Variants in SMAD3 observed in about 807,000 individuals in gnomAD.
SMAD3 encodes MAD homolog 3.
Under a neutral mutation model 51.8 loss-of-function variants are expected in SMAD3, and 12 were observed. The observed-to-expected ratio is 0.23, with a 90% CI of 0.15 to 0.38. SMAD3 has a LOEUF of 0.38. Among genes scored for constraint, SMAD3 ranks in the 10% least tolerant of loss-of-function variants. The pLI, the probability that SMAD3 is intolerant of heterozygous loss-of-function variation, is 1.00. For missense variants in SMAD3, 294 were observed against 565.6 expected (o/e 0.52, Z 4.87); for synonymous variants, 238 against 227.7 (o/e 1.05, Z -0.41).
At chr15:67,094,641 C>T (rs943584121) in intron 1 of SMAD3, among the ~76,000 whole-genome samples, 13 of 152,204 alleles carry the variant, frequency 8.5e-5, no homozygotes, top group African/African-American at 2.9e-4. Context: ...AGCTGAAGAT[C>T]ATAATTATGT....
chr15:67,185,813 T>C (rs1204281669), intron 7 of SMAD3, among the ~76,000 whole-genome samples: 1 of 152,224 alleles, frequency 6.6e-6, no homozygotes, highest in Non-Finnish European at 1.5e-5. Context: ...GCAGCCACTG[T>C]GTAGGCAGCC....
In SMAD3 at chr15:67,067,862, T is replaced by C. The variant is rs76998346; in HGVS notation, c.206+1502T>C. The stretch of plus-strand genomic sequence containing the variant: ...GAGACCTGGGATTTGGTTCCAGCTC[T>C]GGTTGTTAATTCTTCTGTATTCCTT... On this transcript the variant is annotated intron_variant, in intron 1 of 8. Coordinates refer to ENST00000327367, the MANE Select transcript of SMAD3 (RefSeq NM_005902.4). Among the ~76,000 whole-genome samples the C allele has an allele frequency of 6.9e-3, 1,055 of 152,268 alleles. 7 individuals carry two copies. Among genetic ancestry groups the C allele is most frequent in the African/African-American group, 0.024 (992 of 41,538 alleles).
chr15:67,096,767 A>C (rs939058915), intron 1 of SMAD3, among the ~76,000 whole-genome samples: 2 of 152,118 alleles, frequency 1.3e-5, no homozygotes, highest in Non-Finnish European at 2.9e-5. Flanking sequence ...TTGCACGTGC[A>C]GCCTCTAGAT....
intron 1 of SMAD3, among the ~76,000 whole-genome samples, chr15:67,088,357 G>C (rs375123957): frequency 9.8e-5 from 15 of 152,348 alleles, no homozygotes; most frequent in African/African-American, 3.6e-4. Flanking sequence ...GCCTAGGGAA[G>C]CCCACTATAG....
At chr15:67,156,373 C>T (rs538160659) in intron 1 of SMAD3, among the ~76,000 whole-genome samples, 1 of 152,318 alleles carries the variant, frequency 6.6e-6, no homozygotes, top group South Asian at 2.1e-4. Flanking sequence ...CAAATTGACT[C>T]TAAGGCCTCT....
At chr15:67,078,983 A>AT (rs57308445) in intron 1 of SMAD3, among the ~76,000 whole-genome samples, 23,429 of 147,148 alleles carry the variant, frequency 0.16, 3,450 homozygotes, top group African/African-American at 0.39. Context: ...ACATATTATT[A>AT]TTTTTTTTTT....
intron 1 of SMAD3, among the ~76,000 whole-genome samples, chr15:67,124,715 C>G (rs543300577): frequency 4.6e-5 from 7 of 152,166 alleles, no homozygotes; most frequent in Non-Finnish European, 7.3e-5. Flanking sequence ...AAAGGTACAC[C>G]TCTACCTGTG....
intron 1 of SMAD3, among the ~76,000 whole-genome samples, chr15:67,132,958 C>T (rs1961561410): frequency 6.6e-6 from 1 of 152,182 alleles, no homozygotes; most frequent in South Asian, 2.1e-4. Flanking sequence ...GACATTCTGC[C>T]CTGTTCACTT....
At chr15:67,181,197 G>A in intron 5 of SMAD3, 44 bp from the exon 6 acceptor site, 1 of 1,487,284 alleles carries the variant, frequency 6.7e-7, no homozygotes, top group Non-Finnish European at 9.4e-7. Context: ...GGAGCATGGG[G>A]CTTGGGACAC....
intron 3 of SMAD3, chr15:67,166,558 G>A (rs1299850630): frequency 1.1e-5 from 7 of 622,270 alleles, no homozygotes; most frequent in African/African-American, 7.3e-5. Flanking sequence ...GAGTTGATCC[G>A]GTCCTGCGTG....
chr15:67,072,273 A>G (rs759192635), intron 1 of SMAD3, among the ~76,000 whole-genome samples: 2 of 152,234 alleles, frequency 1.3e-5, no homozygotes, highest in Admixed American at 6.5e-5. Context: ...TTTTAATGCC[A>G]TTTGATGCAC....
chr15:67,129,183 A>G (rs113309705), intron 1 of SMAD3, among the ~76,000 whole-genome samples: 1 of 152,348 alleles, frequency 6.6e-6, no homozygotes, highest in Non-Finnish European at 1.5e-5. Flanking sequence ...TATGGGAAAC[A>G]TAAAGCAGGA....
At chr15:67,143,830 A>G (rs1961900023) in intron 1 of SMAD3, among the ~76,000 whole-genome samples, 2 of 151,532 alleles carry the variant, frequency 1.3e-5, no homozygotes, top group South Asian at 4.2e-4. Flanking sequence ...CGCCACACAC[A>G]GATCATAATG....
intron 1 of SMAD3, among the ~76,000 whole-genome samples, chr15:67,156,209 A>G (rs891121357): frequency 7.2e-5 from 11 of 152,360 alleles, no homozygotes; most frequent in African/African-American, 2.6e-4. Context: ...CTTTTTGTCC[A>G]TTAAACATAG....
At chr15:67,181,098 A>T in intron 5 of SMAD3, 143 bp from the exon 6 acceptor site, 3 of 707,600 alleles carry the variant, frequency 4.2e-6, no homozygotes, top group Non-Finnish European at 7.5e-6. Flanking sequence ...TGCCAGTTTT[A>T]TACGATAAAA....
rs1595968854 is a variant in SMAD3, at chr15:67,193,128, C to G, written c.*2592C>G. 7 of 233,338 alleles carry G rather than the reference C, an allele frequency of 3.0e-5. No homozygotes were observed. The highest frequency in any genetic ancestry group is 3.0e-4 in the East Asian group (5 of 16,730). The allele number at this position is 233,338 out of a possible 1,614,324, so 14.5% of individuals were successfully genotyped here. On this transcript the variant is annotated 3_prime_UTR_variant, in exon 9 of 9. Coordinates refer to ENST00000327367, the MANE Select transcript of SMAD3 (RefSeq NM_005902.4). ...TTCCTTGAAGCCACAAGCTAGTTTT[C>G]TTAGTTTTAAAATCCTGTTGTATGA...
chr15:67,076,180 G>T (rs1238989501), intron 1 of SMAD3, among the ~76,000 whole-genome samples: 1 of 152,148 alleles, frequency 6.6e-6, no homozygotes. Context: ...CATGCCACTT[G>T]TTGATGTAAG....
chr15:67,181,480 C>G (rs760674052), intron 6 of SMAD3, 27 bp downstream of exon 6: 1 of 1,499,740 alleles, frequency 6.7e-7, no homozygotes, highest in Non-Finnish European at 9.0e-7. Context: ...TTCCCCGCCC[C>G]CCCACCCTGC....
Position 67,165,324 on chromosome 15 carries a change from C to T in SMAD3, c.472C>T (p.His158Tyr), listed in dbSNP as rs1277025438. 6.2e-7 allele frequency: 1 copy of T among 1,614,224 alleles called. No homozygotes were observed. Among genetic ancestry groups the T allele is most frequent in the South Asian group, 1.1e-5 (1 of 91,084 alleles). ...AEFPPLDDYSHSIPENTNFPA... is the reference protein window; with the variant it reads ...AEFPPLDDYSYSIPENTNFPA... Reference sequence around the variant, plus strand: ...GTTCCCCCCACTGGACGACTACAGCCATTCCATCCCCGAAAACACTAACTT... The same window carrying T: ...GTTCCCCCCACTGGACGACTACAGCTATTCCATCCCCGAAAACACTAACTT... Residue 158 changes from histidine (H) to tyrosine (Y), a missense_variant, in exon 3 of 9, where the codon CAT becomes TAT. Physicochemically the swap from His to Tyr is moderately conservative, Grantham distance 83 (BLOSUM62 2). Coordinates refer to ENST00000327367, the MANE Select transcript of SMAD3 (RefSeq NM_005902.4).
Sources: gnomAD v4.1 joint callset for allele counts (sites outside exome capture counted in the v4.1 genomes callset) on GRCh38, gnomAD v4.1.1 for gene constraint, MANE v1.5 for transcripts, NCBI Gene and HGNC (gene_info 2026-07-23, HGNC 2026-07-21) for gene names.